The following MCF2L2 variants were observed in gnomAD, a reference collection of about 807,000 sequenced individuals.
MCF2L2 encodes MCF.2 cell line derived transforming sequence-like 2, also known as probable guanine nucleotide exchange factor MCF2L2.
A neutral mutation model predicts 150.2 loss-of-function variants in MCF2L2; 102 were observed. The observed-to-expected ratio is 0.68, with a 90% confidence interval of 0.58 to 0.80. The LOEUF is 0.80. Among genes scored for constraint, MCF2L2 ranks in the 30% least tolerant of loss-of-function variants. The probability of loss-of-function intolerance (pLI) is 0.00; values close to 1 mark genes in which losing one functional copy is unlikely to be tolerated. For synonymous variants in MCF2L2, 465 were observed against 491.3 expected, an observed-to-expected ratio of 0.95 and a Z score of 0.71; for missense variants, 1,256 against 1,372.8, an observed-to-expected ratio of 0.91 and a Z score of 1.34.
At chr3:183,280,952 C>G (rs1727439688) in intron 14 of MCF2L2, among the ~76,000 whole-genome samples, 1 of 150,722 alleles carries the variant, frequency 6.6e-6, no homozygotes, top group Non-Finnish European at 1.5e-5. Flanking sequence ...TTCTTAAAAA[C>G]AGGAGCTATT....
At chr3:183,269,796 G>A (rs200128394) in intron 15 of MCF2L2, 162 of 1,598,206 alleles carry the variant, frequency 1.0e-4, no homozygotes, top group Non-Finnish European at 1.3e-4. Context: ...GACTTGAGTG[G>A]ATATGAGAAT....
At chr3:183,290,744 G>A (rs564888964) in intron 13 of MCF2L2, among the ~76,000 whole-genome samples, 4 of 152,260 alleles carry the variant, frequency 2.6e-5, no homozygotes, top group South Asian at 2.1e-4. Context: ...ACGTTGGACA[G>A]GATGGTCTTA....
chr3:183,286,475 T>C (rs1169465463), intron 14 of MCF2L2, among the ~76,000 whole-genome samples: 12 of 152,248 alleles, frequency 7.9e-5, no homozygotes, highest in Admixed American at 7.8e-4. Context: ...TGATTATTGT[T>C]GATGTTAGTC....
intron 3 of MCF2L2, among the ~76,000 whole-genome samples, chr3:183,347,528 T>C (rs1289804376): frequency 6.6e-6 from 1 of 152,068 alleles, no homozygotes; most frequent in African/African-American, 2.4e-5. Flanking sequence ...CCAAAAGCAA[T>C]TGCCACAAAA....
At chr3:183,266,155 T>A (rs1560383974) in intron 15 of MCF2L2, 1 of 152,318 alleles carries the variant, frequency 6.6e-6, no homozygotes, top group East Asian at 1.9e-4. Flanking sequence ...ACTGGAGAGA[T>A]ACTAGCACCT....
Position 183,297,002 on chromosome 3 carries a change from C to CA in MCF2L2, c.1470dup (p.Glu491Ter). ...TTTGCATCGAGGGTGAGCAGCAACTCAAACTCGTTGTAAAACTCCTTGGGG... is the reference window on the plus strand; with the variant it reads ...TTTGCATCGAGGGTGAGCAGCAACTCAAAACTCGTTGTAAAACTCCTTGGGG... On this transcript the variant is annotated frameshift_variant, in exon 12 of 30. Coordinates refer to ENST00000328913, the MANE Select transcript of MCF2L2 (RefSeq NM_015078.4). LOFTEE classifies it high-confidence loss of function. 1 of 1,613,942 alleles carries CA rather than the reference C, an allele frequency of 6.2e-7. No individual in the cohort carries two copies. Among genetic ancestry groups the CA allele is most frequent in the Non-Finnish European group, 8.5e-7 (1 of 1,179,926 alleles).
At chr3:183,266,641 C>T (rs768058986) in intron 15 of MCF2L2, among the ~76,000 whole-genome samples, 19 of 152,168 alleles carry the variant, frequency 1.2e-4, no homozygotes, top group African/African-American at 3.6e-4. Context: ...AAAGTGATTT[C>T]GCAAATTTTA....
chr3:183,242,413 C>T (rs1278792850), intron 15 of MCF2L2, among the ~76,000 whole-genome samples: 7 of 152,200 alleles, frequency 4.6e-5, no homozygotes, highest in Non-Finnish European at 5.9e-5. Context: ...GGGCCCAGCC[C>T]GGGGACCCCT....
In MCF2L2 at chr3:183,351,211, TA is replaced by T. The variant is rs1560034891; in HGVS notation, c.276-9582del. ...TTAAGTATATATATATATATATATATATATATATATATATATATATATATAT... is the reference window on the plus strand; with the variant it reads ...TTAAGTATATATATATATATATATATTATATATATATATATATATATATAT... On this transcript the variant is annotated intron_variant, in intron 3 of 29. Coordinates refer to ENST00000328913, the MANE Select transcript of MCF2L2 (RefSeq NM_015078.4). Among the ~76,000 whole-genome samples, 133 of 81,086 alleles carry T rather than the reference TA, an allele frequency of 1.6e-3. 1 individual carries two copies. Among genetic ancestry groups the T allele is most frequent in the African/African-American group, 2.5e-3 (41 of 16,184 alleles). 53.2% of individuals were successfully genotyped at this position (81,086 alleles called of 152,430 possible). A position where few individuals can be genotyped will look rare whatever the true frequency, so the allele number is the denominator to read the frequency against.
At chr3:183,198,043 TAC>T (rs2108639120) in intron 25 of MCF2L2, among the ~76,000 whole-genome samples, 1 of 152,262 alleles carries the variant, frequency 6.6e-6, no homozygotes, top group African/African-American at 2.4e-5. Flanking sequence ...AAATTAAACA[TAC>T]ACCTACCATA....
intron 27 of MCF2L2, chr3:183,192,709 C>T (rs764237236): frequency 9.3e-6 from 3 of 323,108 alleles, no homozygotes; most frequent in Non-Finnish European, 1.7e-5. Context: ...ATTTGGACAG[C>T]AGTTGACTAA....
chr3:183,337,051 C>T (rs1381953324), intron 5 of MCF2L2, among the ~76,000 whole-genome samples: 1 of 152,084 alleles, frequency 6.6e-6, no homozygotes, highest in Non-Finnish European at 1.5e-5. Flanking sequence ...TAGCTTCTTT[C>T]TCTCAAGAGA....
intron 26 of MCF2L2, 76 bp downstream of exon 26, chr3:183,195,146 A>G (rs1722037995): frequency 2.5e-6 from 3 of 1,186,504 alleles, no homozygotes; most frequent in Admixed American, 2.5e-5. Flanking sequence ...AAAAGCAATA[A>G]AAGCAATGAC....
chr3:183,360,320 A>G (rs1302093564), intron 3 of MCF2L2, among the ~76,000 whole-genome samples: 3 of 152,154 alleles, frequency 2.0e-5, no homozygotes, highest in African/African-American at 4.8e-5. Flanking sequence ...GTAATCCCAG[A>G]ACTCTGGGAC....
chr3:183,419,442 TC>T (rs1715764541), intron 1 of MCF2L2, among the ~76,000 whole-genome samples: 1 of 152,268 alleles, frequency 6.6e-6, no homozygotes. Flanking sequence ...AATGGGTTTT[TC>T]TTTTCTACCA....
chr3:183,351,224 ATATATATATATATT>A lies in MCF2L2; in HGVS notation c.276-9608_276-9595del, dbSNP rs1175917375. On this transcript the variant is annotated intron_variant, in intron 3 of 29. Transcript: ENST00000328913. ...TATATATATATATATATATATATAT[ATATATATATATATT>A]TATTTATTTATTTATCAGAACCCCA... 1.6e-3 allele frequency among the ~76,000 whole-genome samples: 141 copies of A among 88,012 alleles called. 1 individual carries two copies. The Middle Eastern group carries it at 0.021, about 13-fold the overall frequency. 57.7% of individuals were successfully genotyped at this position (88,012 alleles called of 152,430 possible). A position where few individuals can be genotyped will look rare whatever the true frequency, so the allele number is the denominator to read the frequency against.
intron 2 of MCF2L2, among the ~76,000 whole-genome samples, chr3:183,388,812 T>G (rs148522274): frequency 6.5e-4 from 99 of 152,254 alleles, no homozygotes; most frequent in African/African-American, 2.3e-3. Flanking sequence ...ATCAGTGGGA[T>G]GAGGAGCTTG....
intron 22 of MCF2L2, among the ~76,000 whole-genome samples, chr3:183,210,785 G>T (rs1289893968): frequency 1.3e-5 from 2 of 152,162 alleles, no homozygotes; most frequent in Non-Finnish European, 2.9e-5. Context: ...AGGCAGCAAG[G>T]TTTGTGCTTT....
chr3:183,416,032 A>T (rs920430089), intron 1 of MCF2L2, among the ~76,000 whole-genome samples: 2 of 151,962 alleles, frequency 1.3e-5, no homozygotes, highest in Non-Finnish European at 2.9e-5. Flanking sequence ...ATTTTAAGTA[A>T]TTTTATTAGT....
Sources: allele counts gnomAD v4.1 joint callset (sites outside exome capture counted in the v4.1 genomes callset), GRCh38; gene constraint gnomAD v4.1.1; transcripts MANE v1.5; gene names NCBI Gene and HGNC (gene_info 2026-07-23, HGNC 2026-07-21).